Variants in SOX5 observed in about 807,000 individuals in gnomAD.
SOX5 encodes transcription factor SOX-5.
In SOX5, 9 loss-of-function variants were observed where a neutral mutation model predicts 92.0. The observed-to-expected ratio is 0.10, with a 90% CI of 0.06 to 0.17. The LOEUF is 0.17. Among genes scored for constraint, SOX5 ranks in the 10% least tolerant of loss-of-function variants. SOX5 has a pLI of 1.00. For synonymous variants in SOX5, 344 were observed against 336.3 expected (o/e 1.02, Z -0.25); for missense variants, 642 against 944.5 (o/e 0.68, Z 4.20).
chr12:24,460,192 A>G (rs542582091), intron 1 of SOX5, among the ~76,000 whole-genome samples: 19 of 152,340 alleles, frequency 1.2e-4, no homozygotes, highest in African/African-American at 4.6e-4. Flanking sequence ...AATGGGAGTG[A>G]CATTTTGCAG....
chr12:24,109,378 C>A (rs1021696931), intron 4 of SOX5, among the ~76,000 whole-genome samples: 3 of 151,864 alleles, frequency 2.0e-5, no homozygotes, highest in Non-Finnish European at 4.4e-5. Context: ...AAAAGCGTTG[C>A]ACCAACTTTT....
chr12:23,929,524 C>T (rs1277777138), intron 1 of SOX5, among the ~76,000 whole-genome samples: 1 of 151,308 alleles, frequency 6.6e-6, no homozygotes, highest in African/African-American at 2.4e-5. Context: ...AATAAGTGTC[C>T]AATACAGAAA....
chr12:24,270,940 A>AT (rs1366633416), intron 3 of SOX5, among the ~76,000 whole-genome samples: 2 of 152,098 alleles, frequency 1.3e-5, no homozygotes, highest in African/African-American at 2.4e-5. Context: ...TTATTTCCGG[A>AT]TTTTTTGGCA....
At chr12:24,483,207 A>C (rs1480744370) in intron 1 of SOX5, among the ~76,000 whole-genome samples, 1 of 152,228 alleles carries the variant, frequency 6.6e-6, no homozygotes, top group African/African-American at 2.4e-5. Context: ...TCCAAAAGAA[A>C]ACTGTGTTTT....
intron 2 of SOX5, among the ~76,000 whole-genome samples, chr12:24,294,281 T>G (rs1356006825): frequency 6.9e-6 from 1 of 143,944 alleles, no homozygotes; most frequent in Non-Finnish European, 1.5e-5. Flanking sequence ...AACTCATGGG[T>G]TTTTTTTTTT....
chr12:24,226,133 C>T (rs1961901045), intron 3 of SOX5, among the ~76,000 whole-genome samples: 1 of 152,124 alleles, frequency 6.6e-6, no homozygotes, highest in African/African-American at 2.4e-5. Context: ...GATATGTTCT[C>T]ATCTTCGATC....
intron 1 of SOX5, among the ~76,000 whole-genome samples, chr12:24,370,115 T>C (rs1299082827): frequency 6.6e-6 from 1 of 152,204 alleles, no homozygotes; most frequent in East Asian, 1.9e-4. Flanking sequence ...CAAGTAAAAC[T>C]TCTAAATATT....
rs1450100587 is a variant in SOX5, at chr12:23,999,172, GTGTGTA to G, written c.-1-103154_-1-103149del. Among the ~76,000 whole-genome samples, 466 of 147,286 alleles carry G rather than the reference GTGTGTA, an allele frequency of 3.2e-3. 2 individuals carry two copies. Among genetic ancestry groups the G allele is most frequent in the African/African-American group, 0.011 (411 of 37,718 alleles). ...TGTGTGTGTGTGTGTGTGTGTGTGT[GTGTGTA>G]CCATTGCTTCTCTTAAGTGATTTAA... On this transcript the variant is annotated intron_variant, in intron 4 of 4. Transcript: ENST00000446891.
At chr12:23,580,904 T>A (rs1020547622) in intron 9 of SOX5, among the ~76,000 whole-genome samples, 2 of 152,058 alleles carry the variant, frequency 1.3e-5, no homozygotes, top group African/African-American at 4.8e-5. Context: ...TTAGACGCAC[T>A]GAGGGAATAC....
intron 4 of SOX5, among the ~76,000 whole-genome samples, chr12:24,176,548 C>T (rs1035909378): frequency 2.0e-5 from 3 of 152,078 alleles, no homozygotes; most frequent in Admixed American, 6.5e-5. Context: ...TTAAGAAGCC[C>T]GCTACAATGA....
intron 2 of SOX5, among the ~76,000 whole-genome samples, chr12:23,872,040 C>G (rs888555323): frequency 1.3e-5 from 2 of 150,752 alleles, no homozygotes; most frequent in African/African-American, 4.9e-5. Flanking sequence ...CTCTGTCTCC[C>G]AGGCTGGAGT....
chr12:23,946,550 G>A (rs1944623042), intron 1 of SOX5, among the ~76,000 whole-genome samples: 2 of 151,728 alleles, frequency 1.3e-5, no homozygotes, highest in South Asian at 4.2e-4. Flanking sequence ...TCAAAAAGTA[G>A]GTGACATTCT....
intron 4 of SOX5, among the ~76,000 whole-genome samples, chr12:24,142,846 C>T (rs1007876525): frequency 6.7e-6 from 1 of 150,030 alleles, no homozygotes; most frequent in Non-Finnish European, 1.5e-5. Context: ...GTTCATAAGG[C>T]CAGCTACTAG....
intron 9 of SOX5, among the ~76,000 whole-genome samples, chr12:23,591,702 T>C (rs1951583553): frequency 1.3e-5 from 2 of 152,256 alleles, no homozygotes; most frequent in South Asian, 4.1e-4. Flanking sequence ...GACCTGAATA[T>C]TGAGCTCCCA....
chr12:23,662,857 C>A (rs2083254622), intron 7 of SOX5, among the ~76,000 whole-genome samples: 1 of 152,106 alleles, frequency 6.6e-6, no homozygotes, highest in Non-Finnish European at 1.5e-5. Context: ...TTTTTTATAA[C>A]AACAAATAGT....
intron 4 of SOX5, among the ~76,000 whole-genome samples, chr12:24,104,593 C>A (rs1425168256): frequency 6.6e-6 from 1 of 152,166 alleles, no homozygotes; most frequent in East Asian, 1.9e-4. Flanking sequence ...AGTTTCACTA[C>A]AAACAATGAT....
intron 8 of SOX5, among the ~76,000 whole-genome samples, chr12:23,618,406 G>A (rs1315690156): frequency 3.3e-5 from 5 of 152,102 alleles, no homozygotes; most frequent in Non-Finnish European, 5.9e-5. Flanking sequence ...CAACAGATTG[G>A]GGGGTAGTAA....
At chr12:23,951,969 T>G (rs533532927), upstream of SOX5, among the ~76,000 whole-genome samples, 201 of 152,322 alleles carry the variant, frequency 1.3e-3, 2 homozygotes, top group Non-Finnish European at 1.2e-3. Context: ...TTAAGGGACC[T>G]ACAATCTAAT....
At position 23,680,565 on chromosome 12, in the gene SOX5, A is replaced by T. The variant is rs530975724; in HGVS notation, c.811-15001T>A. Among the ~76,000 whole-genome samples the T allele has an allele frequency of 5.8e-3, 884 of 151,878 alleles. 11 individuals carry two copies. The highest frequency in any genetic ancestry group is 6.9e-3 in the Non-Finnish European group (471 of 67,924). On this transcript the variant is annotated intron_variant, in intron 6 of 14. Coordinates refer to ENST00000451604, the MANE Select transcript of SOX5 (RefSeq NM_006940.6). ...GGTCAAAAATTTTAGGAGAAAAAAA[A>T]TTTTTTTAAATGGAGGAAGGCAATA...
Sources: gnomAD v4.1 joint callset for allele counts (sites outside exome capture counted in the v4.1 genomes callset) on GRCh38, gnomAD v4.1.1 for gene constraint, MANE v1.5 for transcripts, NCBI Gene and HGNC (gene_info 2026-07-23, HGNC 2026-07-21) for gene names.